The following GLI3 variants were observed in gnomAD, a reference collection of about 807,000 sequenced individuals.
GLI3 encodes transcription activator GLI3.
In GLI3, 20 loss-of-function variants were observed where a neutral mutation model predicts 100.8. That is an observed-to-expected ratio of 0.20 (90% CI 0.14 to 0.29). The LOEUF (loss-of-function observed/expected upper bound fraction) is 0.29. Ranked by LOEUF, GLI3 falls within the 10% of genes least tolerant of loss-of-function variation. The probability of loss-of-function intolerance (pLI) is 1.00; values close to 1 mark genes in which losing one functional copy is unlikely to be tolerated. For missense variants in GLI3, 2,040 were observed against 2,128.5 expected (o/e 0.96, Z 0.82); for synonymous variants, 938 against 860.5 (o/e 1.09, Z -1.58).
chr7:42,112,024 A>G (rs913554432), intron 3 of GLI3, among the ~76,000 whole-genome samples: 5 of 152,222 alleles, frequency 3.3e-5, no homozygotes, highest in Non-Finnish European at 7.3e-5. Flanking sequence ...AAAGACAGAC[A>G]CAGAGCTTGT....
chr7:42,188,922 C>T (rs1038790854), intron 2 of GLI3, among the ~76,000 whole-genome samples: 3 of 152,180 alleles, frequency 2.0e-5, no homozygotes, highest in Non-Finnish European at 4.4e-5. Flanking sequence ...AGATACACAT[C>T]ACTATCCATT....
chr7:42,138,439 T>A (rs1471619899), intron 3 of GLI3, among the ~76,000 whole-genome samples: 3 of 152,194 alleles, frequency 2.0e-5, no homozygotes, highest in African/African-American at 7.2e-5. Context: ...GATCAAAAGG[T>A]CAACCCACTT....
intron 4 of GLI3, among the ~76,000 whole-genome samples, chr7:42,059,874 A>G (rs1273332965): frequency 6.6e-6 from 1 of 152,266 alleles, no homozygotes; most frequent in African/African-American, 2.4e-5. Flanking sequence ...CCAGTGGAGC[A>G]GGCCACGGCA....
chr7:41,974,490 T>C (rs150977361), intron 12 of GLI3, among the ~76,000 whole-genome samples: 2 of 152,336 alleles, frequency 1.3e-5, no homozygotes, highest in African/African-American at 4.8e-5. Context: ...TCAGACTTAC[T>C]GAAGTGCAAG....
At chr7:42,169,854 TTA>T (rs1481383091) in intron 2 of GLI3, among the ~76,000 whole-genome samples, 7 of 152,144 alleles carry the variant, frequency 4.6e-5, no homozygotes, top group Non-Finnish European at 1.0e-4. Context: ...TTATTACTTC[TTA>T]TATTTCAATT....
intron 10 of GLI3, among the ~76,000 whole-genome samples, chr7:41,987,101 GAC>G (rs34005460): frequency 0.014 from 1,983 of 140,636 alleles, 28 homozygotes; most frequent in African/African-American, 0.033. Context: ...CACAGACACA[GAC>G]ACACACACAC....
intron 2 of GLI3, among the ~76,000 whole-genome samples, chr7:42,165,727 C>A (rs1047797919): frequency 1.3e-5 from 2 of 152,148 alleles, no homozygotes; most frequent in African/African-American, 4.8e-5. Flanking sequence ...AAAGAAACAT[C>A]TAAAATGCCT....
chr7:42,144,541 CTTTTTTT>C (rs552035297), intron 3 of GLI3, among the ~76,000 whole-genome samples: 1 of 148,248 alleles, frequency 6.7e-6, no homozygotes, highest in Non-Finnish European at 1.5e-5. Context: ...TTTCTTTTTT[CTTTTTTT>C]TTTAAGCCAC....
chr7:42,252,822 C>A (rs184086135), intron 1 of GLI3, among the ~76,000 whole-genome samples: 188 of 152,118 alleles, frequency 1.2e-3, no homozygotes, highest in African/African-American at 4.3e-3. Flanking sequence ...AGGGAACTTC[C>A]AATTAAGAGT....
intron 7 of GLI3, among the ~76,000 whole-genome samples, chr7:42,034,400 C>T (rs1261479586): frequency 6.6e-6 from 1 of 152,124 alleles, no homozygotes; most frequent in Non-Finnish European, 1.5e-5. Context: ...ATTAAACAGC[C>T]TTGTGGGGGG....
chr7:42,031,204 ATC>A (rs1247112351), intron 7 of GLI3, among the ~76,000 whole-genome samples: 1 of 152,256 alleles, frequency 6.6e-6, no homozygotes, highest in Non-Finnish European at 1.5e-5. Context: ...TCAACAATTA[ATC>A]TGTTATTATT....
intron 2 of GLI3, among the ~76,000 whole-genome samples, chr7:42,189,222 AT>A (rs1787778918): frequency 6.6e-6 from 1 of 152,232 alleles, no homozygotes; most frequent in African/African-American, 2.4e-5. Context: ...GACTAATAAA[AT>A]AAACTATAAT....
intron 2 of GLI3, among the ~76,000 whole-genome samples, chr7:42,182,243 A>G (rs567349254): frequency 6.6e-6 from 1 of 152,258 alleles, no homozygotes; most frequent in South Asian, 2.1e-4. Context: ...TGAATATTTA[A>G]TTTTATTCCA....
At chr7:42,190,138 G>C (rs1787797616) in intron 2 of GLI3, among the ~76,000 whole-genome samples, 1 of 85,784 alleles carries the variant, frequency 1.2e-5, no homozygotes, top group Non-Finnish European at 2.4e-5. Context: ...TCATCTTACT[G>C]TCAAAAAAAA....
chr7:42,179,807 A>G (rs1047848918), intron 2 of GLI3, among the ~76,000 whole-genome samples: 13 of 152,134 alleles, frequency 8.5e-5, no homozygotes, highest in African/African-American at 3.1e-4. Flanking sequence ...AACTGAAAGC[A>G]TGGCCTTGCC....
At chr7:42,130,100 T>C (rs1160357731) in intron 3 of GLI3, among the ~76,000 whole-genome samples, 2 of 152,096 alleles carry the variant, frequency 1.3e-5, no homozygotes, top group Non-Finnish European at 2.9e-5. Flanking sequence ...CAAGTTGGTG[T>C]GACACCCTTA....
chr7:42,180,212 G>A (rs1296529210), intron 2 of GLI3, among the ~76,000 whole-genome samples: 1 of 152,268 alleles, frequency 6.6e-6, no homozygotes, highest in African/African-American at 2.4e-5. Flanking sequence ...TGGAGCAGGG[G>A]GAAGACCCCT....
chr7:42,122,594 A>G (rs1786029275), intron 3 of GLI3, among the ~76,000 whole-genome samples: 1 of 152,208 alleles, frequency 6.6e-6, no homozygotes, highest in Non-Finnish European at 1.5e-5. Flanking sequence ...AGTGACTTAC[A>G]CAAGTCAGCC....
chr7:42,189,964 T>C (rs2128687384), intron 2 of GLI3, among the ~76,000 whole-genome samples: 1 of 146,214 alleles, frequency 6.8e-6, no homozygotes, highest in Non-Finnish European at 1.5e-5. Flanking sequence ...TATGTGTGCA[T>C]GGGCTCAACA....
Sources: allele counts gnomAD v4.1 joint callset (sites outside exome capture counted in the v4.1 genomes callset), GRCh38; gene constraint gnomAD v4.1.1; transcripts MANE v1.5; gene names NCBI Gene and HGNC (gene_info 2026-07-23, HGNC 2026-07-21).